Variants in ACAP2 observed in about 807,000 individuals in gnomAD.
ACAP2 encodes the protein ArfGAP with coiled-coil, ankyrin repeat and PH domains 2, also known as arf-GAP with coiled-coil, ANK repeat and PH domain-containing protein 2.
ACAP2 carries 39 observed loss-of-function variants against 115.8 expected under a neutral mutation model. The ratio of observed to expected loss-of-function variants is 0.34; its 90% CI spans 0.26 to 0.44. ACAP2 has a LOEUF of 0.44. Ranked by LOEUF, ACAP2 falls within the 20% of genes least tolerant of loss-of-function variation. The pLI is 1.00. For missense variants in ACAP2, 662 were observed against 927.6 expected (o/e 0.71, Z 3.72); for synonymous variants, 289 against 315.8 (o/e 0.92, Z 0.90).
intron 1 of ACAP2, among the ~76,000 whole-genome samples, chr3:195,422,040 C>A (rs2108835586): frequency 6.6e-6 from 1 of 152,162 alleles, no homozygotes. Flanking sequence ...TACAAGTTAA[C>A]CTTCCAGTTC....
chr3:195,372,315 A>T (rs1388358867), intron 4 of ACAP2, among the ~76,000 whole-genome samples: 1 of 152,234 alleles, frequency 6.6e-6, no homozygotes, highest in African/African-American at 2.4e-5. Context: ...AAACACATGC[A>T]TAATGACTAA....
chr3:195,365,060 G>C (rs1337709727), intron 4 of ACAP2, among the ~76,000 whole-genome samples: 1 of 152,194 alleles, frequency 6.6e-6, no homozygotes, highest in Non-Finnish European at 1.5e-5. Context: ...TCACTTATTT[G>C]TGGGAGGTAA....
chr3:195,425,149 G>C (rs1422708136), intron 1 of ACAP2, among the ~76,000 whole-genome samples: 1 of 148,794 alleles, frequency 6.7e-6, no homozygotes, highest in African/African-American at 2.5e-5. Flanking sequence ...CAAAATGTTT[G>C]TGAAATTAAA....
At chr3:195,280,592 C>G (rs1726433119) in intron 22 of ACAP2, 1 of 151,936 alleles carries the variant, frequency 6.6e-6, no homozygotes, top group South Asian at 2.1e-4. Flanking sequence ...CAAATAAATA[C>G]CAAGGACATC....
intron 1 of ACAP2, among the ~76,000 whole-genome samples, chr3:195,393,525 A>G (rs575519530): frequency 1.2e-3 from 176 of 152,346 alleles, no homozygotes; most frequent in Non-Finnish European, 2.1e-3. Flanking sequence ...GAGAAAATGG[A>G]AGGTGCTGCA....
chr3:195,295,450 T>A, intron 17 of ACAP2: 1 of 553,644 alleles, frequency 1.8e-6, no homozygotes, highest in Non-Finnish European at 3.1e-6. Flanking sequence ...AATGTCAGGT[T>A]TATAATTCCC....
At chr3:195,297,964 C>T in intron 15 of ACAP2, among the ~76,000 whole-genome samples, 1 of 152,084 alleles carries the variant, frequency 6.6e-6, no homozygotes, top group East Asian at 1.9e-4. Context: ...TAGTTATGCC[C>T]AATTCCAGGC....
intron 13 of ACAP2, among the ~76,000 whole-genome samples, chr3:195,304,649 C>T (rs953396962): frequency 6.6e-6 from 1 of 152,204 alleles, no homozygotes; most frequent in African/African-American, 2.4e-5. Flanking sequence ...ATTAAATGAA[C>T]ATATACATAC....
intron 1 of ACAP2, among the ~76,000 whole-genome samples, chr3:195,433,699 T>A (rs1469575734): frequency 6.6e-6 from 1 of 152,260 alleles, no homozygotes; most frequent in East Asian, 1.9e-4. Flanking sequence ...TCTATTGAGA[T>A]GATTGTGTTG....
At chr3:195,411,357 T>C (rs556721327) in intron 1 of ACAP2, among the ~76,000 whole-genome samples, 84 of 152,324 alleles carry the variant, frequency 5.5e-4, no homozygotes, top group African/African-American at 1.8e-3. Context: ...TTATTCACAA[T>C]AGATAAAACG....
At chr3:195,312,744 A>T (rs1264589761) in intron 10 of ACAP2, among the ~76,000 whole-genome samples, 1 of 152,242 alleles carries the variant, frequency 6.6e-6, no homozygotes, top group Non-Finnish European at 1.5e-5. Context: ...ACAGATTAAA[A>T]CAAATTGAGG....
chr3:195,373,568 A>G (rs1733320432), intron 4 of ACAP2, among the ~76,000 whole-genome samples: 1 of 152,220 alleles, frequency 6.6e-6, no homozygotes, highest in African/African-American at 2.4e-5. Context: ...ACTTTAAAAA[A>G]TGGCTTTACT....
rs1439969662 is a variant in ACAP2, at chr3:195,289,057, G to A, written c.2174+64C>T. 4.6e-6 allele frequency: 6 copies of A among 1,317,960 alleles called. No individual in the cohort carries two copies. In the South Asian group the frequency reaches 6.4e-5, roughly 14 times the overall value. 81.6% of individuals were successfully genotyped at this position (1,317,960 alleles called of 1,614,324 possible). A position where few individuals can be genotyped will look rare whatever the true frequency, so the allele number is the denominator to read the frequency against. ...CAGGGTCCTGGAACTAATTCACTGT[G>A]GATAACCGAGGGACAACTGTAATTC... On this transcript the variant is annotated intron_variant, in intron 21 of 22. Coordinates refer to ENST00000326793, the MANE Select transcript of ACAP2 (RefSeq NM_012287.6).
Position 195,275,227 on chromosome 3 carries a change from A to T in ACAP2, c.*4101T>A, listed in dbSNP as rs539432550. 35 of 152,496 alleles carry T rather than the reference A, an allele frequency of 2.3e-4. No individual in the cohort carries two copies. The highest frequency in any genetic ancestry group is 4.6e-4 in the Admixed American group (7 of 15,290). 9.4% of individuals were successfully genotyped at this position (152,496 alleles called of 1,614,324 possible). On this transcript the variant is annotated 3_prime_UTR_variant, in exon 23 of 23. Coordinates refer to ENST00000326793, the MANE Select transcript of ACAP2 (RefSeq NM_012287.6). Reference sequence around the variant, plus strand: ...AGTTAGCAAATAAGATAGTGAAAAGACCAATGCAGAGAAAAGTTTATGTAA... The same window carrying T: ...AGTTAGCAAATAAGATAGTGAAAAGTCCAATGCAGAGAAAAGTTTATGTAA...
At chr3:195,380,425 A>C (rs542770518) in intron 4 of ACAP2, among the ~76,000 whole-genome samples, 1 of 152,330 alleles carries the variant, frequency 6.6e-6, no homozygotes, top group African/African-American at 2.4e-5. Context: ...TTTAAAAAAT[A>C]TAAGAAACAT....
At chr3:195,422,205 A>G (rs1404395525) in intron 1 of ACAP2, among the ~76,000 whole-genome samples, 1 of 152,194 alleles carries the variant, frequency 6.6e-6, no homozygotes, top group African/African-American at 2.4e-5. Context: ...TTCCTGCTTC[A>G]TATACTCCTG....
At chr3:195,405,540 G>C (rs979592202) in intron 1 of ACAP2, among the ~76,000 whole-genome samples, 57 of 152,052 alleles carry the variant, frequency 3.7e-4, no homozygotes, top group African/African-American at 1.4e-3. Context: ...ACAAAAATTA[G>C]CTGGGTGTGG....
chr3:195,289,358 A>G, intron 20 of ACAP2, 127 bp from the exon 21 acceptor site: 1 of 694,352 alleles, frequency 1.4e-6, no homozygotes, highest in Non-Finnish European at 2.5e-6. Context: ...TTCTACAAAT[A>G]TTAACTGAAC....
intron 10 of ACAP2, among the ~76,000 whole-genome samples, chr3:195,316,893 A>ATTTTTT (rs60184290): frequency 3.7e-5 from 2 of 53,826 alleles, no homozygotes; most frequent in Non-Finnish European, 6.7e-5. Context: ...ATGTCAGTGA[A>ATTTTTT]TTTTTTTTTT....
Sources: allele counts gnomAD v4.1 joint callset (sites outside exome capture counted in the v4.1 genomes callset), GRCh38; gene constraint gnomAD v4.1.1; transcripts MANE v1.5; gene names NCBI Gene and HGNC (gene_info 2026-07-23, HGNC 2026-07-21).